Variants in KLHL15 observed in about 807,000 individuals in gnomAD.
KLHL15 encodes the protein kelch like family member 15, also known as kelch-like protein 15.
In KLHL15, 1 loss-of-function variant was observed where a neutral mutation model predicts 29.3. That is an observed-to-expected ratio of 0.03 (90% CI 0.01 to 0.16). KLHL15 has a LOEUF of 0.16. KLHL15 is among the 10% of genes least tolerant of loss of function. The pLI is 1.00. For synonymous variants in KLHL15, 212 were observed against 184.5 expected (o/e 1.15, Z -1.21); for missense variants, 215 against 478.5 (o/e 0.45, Z 5.14).
intron 3 of KLHL15, among the ~76,000 whole-genome samples, chrX:23,998,207 C>T (rs1385521058): frequency 2.7e-5 from 3 of 111,226 alleles, no homozygotes; most frequent in East Asian, 2.8e-4. Flanking sequence ...GTGATCCGCC[C>T]GCCTTGGCTT....
intron 2 of KLHL15, among the ~76,000 whole-genome samples, chrX:24,016,168 G>A (rs1464880887): frequency 9.7e-5 from 10 of 103,570 alleles, no homozygotes; most frequent in African/African-American, 3.5e-4. Context: ...CTAACATGGT[G>A]AAACCCCGTC....
chrX:24,021,347 G>A, intron 2 of KLHL15, among the ~76,000 whole-genome samples: 1 of 111,073 alleles, frequency 9.0e-6, no homozygotes, highest in Non-Finnish European at 1.9e-5. Context: ...GTTCCCTTAG[G>A]GTCTTTGGTG....
intron 2 of KLHL15, among the ~76,000 whole-genome samples, chrX:24,017,450 C>A: frequency 9.1e-6 from 1 of 109,854 alleles, no homozygotes; most frequent in Non-Finnish European, 1.9e-5. Context: ...TCTCTACCAA[C>A]CCCATGCCTC....
chrX:24,017,527 T>C (rs1929712300), intron 2 of KLHL15, among the ~76,000 whole-genome samples: 1 of 110,304 alleles, frequency 9.1e-6, no homozygotes, highest in Non-Finnish European at 1.9e-5. Context: ...ACGTCTATAA[T>C]CCCACCACTT....
At position 23,989,039 on chromosome X, in the gene KLHL15, A is replaced by G; in HGVS notation, c.706-9T>C. 8.5e-7 allele frequency: 1 copy of G among 1,169,656 alleles called. No individual in the cohort carries two copies. The highest frequency in any genetic ancestry group is 1.1e-6 in the Non-Finnish European group (1 of 874,427). On this transcript the variant is annotated splice_polypyrimidine_tract_variant and intron_variant, in intron 3 of 3. Coordinates refer to ENST00000328046, the MANE Select transcript of KLHL15 (RefSeq NM_030624.3). Reference sequence around the variant, plus strand: ...AATTCTGATGTCTTAACCTAAGAACACAAGAAAAAGAATTTAACCAAAGGA... The same window carrying G: ...AATTCTGATGTCTTAACCTAAGAACGCAAGAAAAAGAATTTAACCAAAGGA...
intron 3 of KLHL15, 121 bp downstream of exon 3, chrX:24,005,868 T>TA: frequency 1.9e-6 from 1 of 525,591 alleles, no homozygotes; most frequent in Non-Finnish European, 3.2e-6. Context: ...TTGAATAACA[T>TA]AAGAAATAAC....
intron 2 of KLHL15, among the ~76,000 whole-genome samples, chrX:24,010,160 G>A (rs1306518920): frequency 5.4e-5 from 6 of 110,774 alleles, no homozygotes; most frequent in Non-Finnish European, 9.4e-5. Flanking sequence ...CACCCCACTT[G>A]GACCTGTTCC....
In KLHL15 at chrX:23,984,519, T is replaced by C. The variant is rs945422659; in HGVS notation, c.*3402A>G. ...CCTCAATTATATCTGATTTACACTA[T>C]TATCTATGTTGCATTTTACTTCAGT... On this transcript the variant is annotated 3_prime_UTR_variant, in exon 4 of 4. Coordinates refer to ENST00000328046, the MANE Select transcript of KLHL15 (RefSeq NM_030624.3). 10 of 112,244 alleles carry C rather than the reference T, an allele frequency of 8.9e-5. No homozygotes were observed. The highest frequency in any genetic ancestry group is 1.9e-4 in the Non-Finnish European group (10 of 53,187). 9.3% of individuals were successfully genotyped at this position (112,244 alleles called of 1,213,427 possible).
chrX:23,993,476 A>G (rs1325668364), intron 3 of KLHL15, among the ~76,000 whole-genome samples: 1 of 111,574 alleles, frequency 9.0e-6, no homozygotes, highest in Non-Finnish European at 1.9e-5. Flanking sequence ...GAGAGAACCT[A>G]TGACTTCAGC....
intron 3 of KLHL15, among the ~76,000 whole-genome samples, chrX:23,990,396 T>C (rs947554956): frequency 9.0e-6 from 1 of 111,313 alleles, no homozygotes; most frequent in Non-Finnish European, 1.9e-5. Context: ...ATTCAAGAGA[T>C]ACTTTGTGGA....
intron 3 of KLHL15, among the ~76,000 whole-genome samples, chrX:23,994,344 G>A (rs938074168): frequency 8.9e-6 from 1 of 112,263 alleles, no homozygotes; most frequent in Non-Finnish European, 1.9e-5. Flanking sequence ...ACTGTCAAGA[G>A]AATGGATGCT....
chrX:24,024,692 T>C (rs1444119634), intron 2 of KLHL15, among the ~76,000 whole-genome samples, 165 bp downstream of exon 2: 2 of 113,113 alleles, frequency 1.8e-5, no homozygotes, highest in African/African-American at 6.4e-5. Flanking sequence ...GAAAAAAAAA[T>C]TACATTTCAA....
At chrX:23,994,010 G>A (rs1333714286) in intron 3 of KLHL15, among the ~76,000 whole-genome samples, 1 of 101,998 alleles carries the variant, frequency 9.8e-6, no homozygotes, top group Non-Finnish European at 2.0e-5. Context: ...TAGTGCCACT[G>A]CACTCCAGCC....
chrX:24,023,601 A>C (rs5970824), intron 2 of KLHL15, among the ~76,000 whole-genome samples: 49,800 of 110,727 alleles, frequency 0.45, 9,457 homozygotes, highest in South Asian at 0.78. Context: ...AAAAATGATC[A>C]ATACTAATCT....
intron 2 of KLHL15, among the ~76,000 whole-genome samples, chrX:24,015,364 G>C (rs1386301774): frequency 8.9e-6 from 1 of 112,268 alleles, no homozygotes; most frequent in South Asian, 3.6e-4. Context: ...TCTCAGCAAC[G>C]CATTTGTGAA....
At chrX:24,011,460 A>G (rs932228441) in intron 2 of KLHL15, among the ~76,000 whole-genome samples, 2 of 111,834 alleles carry the variant, frequency 1.8e-5, no homozygotes, top group South Asian at 7.4e-4. Context: ...CGTGGCCAAC[A>G]TGGTGAAACC....
At chrX:24,017,546 C>T (rs185547558) in intron 2 of KLHL15, among the ~76,000 whole-genome samples, 1 of 109,662 alleles carries the variant, frequency 9.1e-6, no homozygotes, top group East Asian at 2.8e-4. Context: ...TTTGGGAGGC[C>T]GAGATGGGCA....
chrX:24,021,154 T>C (rs1056525710), intron 2 of KLHL15, among the ~76,000 whole-genome samples: 5 of 111,775 alleles, frequency 4.5e-5, no homozygotes, highest in African/African-American at 1.6e-4. Flanking sequence ...ATACAACATA[T>C]ACCCTTGGCA....
In KLHL15 at chrX:24,007,508, AATATATATAT is replaced by A. The variant is rs759758947; in HGVS notation, c.-7-818_-7-809del. 1.1e-3 allele frequency among the ~76,000 whole-genome samples: 39 copies of A among 35,912 alleles called. 1 individual carries two copies. Among genetic ancestry groups the A allele is most frequent in the African/African-American group, 4.6e-3 (31 of 6,769 alleles). The allele number at this position is 35,912 out of a possible 115,157, so 31.2% of individuals were successfully genotyped here. ...CCCATTTCCAAAAAAAAAAAAAAAA[AATATATATAT>A]ATATATATATATATATATCAAACAA... On this transcript the variant is annotated intron_variant, in intron 2 of 3. Transcript: ENST00000328046.
Sources: gnomAD v4.1 joint callset for allele counts (sites outside exome capture counted in the v4.1 genomes callset) on GRCh38, gnomAD v4.1.1 for gene constraint, MANE v1.5 for transcripts, NCBI Gene and HGNC (gene_info 2026-07-23, HGNC 2026-07-21) for gene names.